The following UBLCP1 variants were observed in gnomAD, a reference collection of about 807,000 sequenced individuals.
The protein encoded by UBLCP1 is ubiquitin-like domain-containing CTD phosphatase 1.
In UBLCP1, 28 loss-of-function variants were observed where a neutral mutation model predicts 42.4. The ratio of observed to expected loss-of-function variants is 0.66; its 90% CI spans 0.49 to 0.90. The LOEUF is 0.90. Ranked by LOEUF, UBLCP1 falls within the 40% of genes least tolerant of loss-of-function variation. The pLI, the probability that UBLCP1 is intolerant of heterozygous loss-of-function variation, is 0.00. For synonymous variants in UBLCP1, 122 were observed against 120.8 expected, an observed-to-expected ratio of 1.01 and a Z score of -0.07; for missense variants, 279 against 374.5, an observed-to-expected ratio of 0.75 and a Z score of 2.10.
At chr5:159,264,919 T>C (rs532555465) in intron 1 of UBLCP1, among the ~76,000 whole-genome samples, 4 of 152,366 alleles carry the variant, frequency 2.6e-5, no homozygotes, top group Non-Finnish European at 5.9e-5. Context: ...ATATTAGTGC[T>C]GGTTGCCTTT....
chr5:159,266,041 G>A (rs1377895524), intron 1 of UBLCP1, among the ~76,000 whole-genome samples: 1 of 152,238 alleles, frequency 6.6e-6, no homozygotes. Context: ...TACTAGTAGA[G>A]TGGGGCATTG....
At chr5:159,271,203 T>C (rs373468864) in intron 5 of UBLCP1, among the ~76,000 whole-genome samples, 36 of 152,156 alleles carry the variant, frequency 2.4e-4, no homozygotes, top group African/African-American at 8.2e-4. Context: ...GGCTCACATA[T>C]GTATCCTGGC....
chr5:159,277,380 C>A (rs925450557), intron 8 of UBLCP1, among the ~76,000 whole-genome samples: 2 of 151,868 alleles, frequency 1.3e-5, no homozygotes, highest in Non-Finnish European at 1.5e-5. Context: ...TATTTCTTAC[C>A]ACTTAATCTC....
At chr5:159,279,575 CT>C (rs749307421) in intron 9 of UBLCP1, among the ~76,000 whole-genome samples, 1 of 152,090 alleles carries the variant, frequency 6.6e-6, no homozygotes, top group Non-Finnish European at 1.5e-5. Flanking sequence ...TTTTTTAAAC[CT>C]TTCTTACAGA....
intron 7 of UBLCP1, 91 bp from the exon 8 acceptor site, chr5:159,275,057 G>T: frequency 9.3e-7 from 1 of 1,074,628 alleles, no homozygotes; most frequent in Non-Finnish European, 1.4e-6. Context: ...GTAGAAAGTT[G>T]GCATTATGAG....
Position 159,283,298 on chromosome 5 carries a change from A to G in UBLCP1, c.888A>G (p.Lys296=). ...KLTQYLKEIA[K]LDDFLDLNHK... ...CTCAGTACCTCAAGGAGATAGCAAA[A>G]TTAGATGACTTTTTGGATCTAAATC... The change falls in exon 10 of 11, where the codon AAA becomes AAG. Residue 296 remains lysine (K), a synonymous_variant. Coordinates refer to ENST00000296786, the MANE Select transcript of UBLCP1 (RefSeq NM_145049.5). The G allele has an allele frequency of 6.2e-7, 1 of 1,603,184 alleles. No individual in the cohort carries two copies. The highest frequency in any genetic ancestry group is 1.3e-5 in the African/African-American group (1 of 74,550).
At chr5:159,274,151 C>T (rs1411040595) in intron 6 of UBLCP1, among the ~76,000 whole-genome samples, 1 of 152,138 alleles carries the variant, frequency 6.6e-6, no homozygotes, top group Admixed American at 6.5e-5. Context: ...TGGTTTTCAA[C>T]ATAAACTTTT....
chr5:159,269,822 C>A, intron 2 of UBLCP1, 86 bp from the exon 3 acceptor site: 1 of 1,092,536 alleles, frequency 9.2e-7, no homozygotes, highest in East Asian at 2.6e-5. Flanking sequence ...TGTACCAAAC[C>A]TTTTAATGTT....
intron 9 of UBLCP1, among the ~76,000 whole-genome samples, chr5:159,278,646 C>T (rs1369740208): frequency 1.3e-5 from 2 of 152,056 alleles, no homozygotes; most frequent in Non-Finnish European, 2.9e-5. Context: ...GATCTCGGCT[C>T]GCTGCAATCT....
chr5:159,269,999 G>C lies in UBLCP1; in HGVS notation c.246G>C (p.Leu82Phe), dbSNP rs1753445049. 6.2e-7 allele frequency: 1 copy of C among 1,607,120 alleles called. No homozygotes were observed. Residue 82 changes from leucine to phenylalanine, a missense_variant and splice_region_variant, in exon 3 of 11, where the codon TTG becomes TTC. Coordinates refer to ENST00000296786, the MANE Select transcript of UBLCP1 (RefSeq NM_145049.5). ...IMMMGTREES[L>F]EDVLGPPPDN... ...TGATGGGAACTCGTGAGGAGAGCTTGGTAAATGTTTACTTTTTGTTACCAT... is the reference window on the plus strand; with the variant it reads ...TGATGGGAACTCGTGAGGAGAGCTTCGTAAATGTTTACTTTTTGTTACCAT...
chr5:159,278,243 G>A lies in UBLCP1; in HGVS notation c.690G>A (p.Lys230=), dbSNP rs761382053. The A allele has an allele frequency of 3.1e-6, 5 of 1,606,474 alleles. No homozygotes were observed. ...HTPRRGLIDV[K]PLGVIWGKFS... ...ATGTAAACTTTTATTCTAAGGTAAAGCCTCTTGGTGTTATATGGGGAAAGT... is the reference window on the plus strand; with the variant it reads ...ATGTAAACTTTTATTCTAAGGTAAAACCTCTTGGTGTTATATGGGGAAAGT... Residue 230 remains lysine, a synonymous_variant, in exon 9 of 11, where the codon AAG becomes AAA. Transcript: ENST00000296786.
At chr5:159,274,555 T>C in intron 6 of UBLCP1, 30 bp from the exon 7 acceptor site, 1 of 1,582,324 alleles carries the variant, frequency 6.3e-7, no homozygotes. Context: ...GCTTTTCATA[T>C]GTATTGTATT....
chr5:159,263,737 G>A (rs1753333201), intron 1 of UBLCP1, among the ~76,000 whole-genome samples: 1 of 152,128 alleles, frequency 6.6e-6, no homozygotes, highest in South Asian at 2.1e-4. Context: ...CACAGCCCCC[G>A]ACCCTGCACC....
intron 1 of UBLCP1, among the ~76,000 whole-genome samples, chr5:159,266,962 C>T (rs1753402660): frequency 6.6e-6 from 1 of 152,220 alleles, no homozygotes; most frequent in Non-Finnish European, 1.5e-5. Context: ...GTGGGGCCCT[C>T]ATGGGGAACT....
intron 8 of UBLCP1, 100 bp from the exon 9 acceptor site, chr5:159,278,138 A>G (rs1753560801): frequency 1.3e-6 from 1 of 751,476 alleles, no homozygotes; most frequent in Non-Finnish European, 2.3e-6. Flanking sequence ...GGAAAGGAAC[A>G]CTTTGGCATT....
At chr5:159,283,378 A>G (rs951188782) in intron 10 of UBLCP1, 39 bp downstream of exon 10, 9 of 1,493,524 alleles carry the variant, frequency 6.0e-6, no homozygotes, top group South Asian at 1.3e-5. Context: ...CTTTACATCA[A>G]TGAAGAAAAA....
rs202173338 is a variant in UBLCP1 at position 159,274,642 on chromosome 5, C to T, written c.585+20C>T. ...ATGAAAGTAAGTGTTAGAAAGCAATCCATTTAAAAATATTTTCAAACTGCA... is the reference window on the plus strand; with the variant it reads ...ATGAAAGTAAGTGTTAGAAAGCAATTCATTTAAAAATATTTTCAAACTGCA... On this transcript the variant is annotated intron_variant, in intron 7 of 10. Transcript: ENST00000296786. 6.3e-7 allele frequency: 1 copy of T among 1,599,532 alleles called. No homozygotes were observed. The highest frequency in any genetic ancestry group is 8.5e-7 in the Non-Finnish European group (1 of 1,171,442).
intron 1 of UBLCP1, among the ~76,000 whole-genome samples, chr5:159,266,326 C>G (rs566814246): frequency 2.6e-5 from 4 of 152,046 alleles, no homozygotes; most frequent in Non-Finnish European, 4.4e-5. Context: ...ACATTTTGCC[C>G]CTGCCCTAGA....
At chr5:159,270,253 A>C in intron 3 of UBLCP1, 107 bp from the exon 4 acceptor site, 1 of 989,280 alleles carries the variant, frequency 1.0e-6, no homozygotes, top group South Asian at 1.6e-5. Flanking sequence ...TATGGGCTTA[A>C]AAGACTCTGG....
Sources: allele counts gnomAD v4.1 joint callset (sites outside exome capture counted in the v4.1 genomes callset), GRCh38; gene constraint gnomAD v4.1.1; transcripts MANE v1.5; gene names NCBI Gene and HGNC (gene_info 2026-07-23, HGNC 2026-07-21).